Variants in FNDC3B observed in about 807,000 individuals in gnomAD.
FNDC3B encodes fibronectin type III domain containing 3B.
Under a neutral mutation model 151.5 loss-of-function variants are expected in FNDC3B, and 12 were observed. The observed-to-expected ratio is 0.08, with a 90% CI of 0.05 to 0.13. The LOEUF is 0.13. FNDC3B is among the 10% of genes least tolerant of loss of function. FNDC3B has a pLI of 1.00. For missense variants in FNDC3B, 1,214 were observed against 1,505.3 expected, an observed-to-expected ratio of 0.81 and a Z score of 3.20; for synonymous variants, 528 against 549.0, an observed-to-expected ratio of 0.96 and a Z score of 0.54.
rs564694405 is a variant in FNDC3B, at chr3:172,040,892, C to G, written c.-29+1121C>G. Reference sequence around the variant, plus strand: ...TCTCGGGAGACTGGGCTGCGCCGCCCGGCGGCGCCTTTGGCGGGGAGGCTT... The same window carrying G: ...TCTCGGGAGACTGGGCTGCGCCGCCGGGCGGCGCCTTTGGCGGGGAGGCTT... On this transcript the variant is annotated intron_variant, in intron 1 of 25. Transcript: ENST00000415807. The surrounding 1 kb of genome is among the most constrained non-coding windows in gnomAD (Gnocchi z 6.6). Among the ~76,000 whole-genome samples the G allele has an allele frequency of 1.3e-5, 2 of 152,266 alleles. No homozygotes were observed. The highest frequency in any genetic ancestry group is 3.9e-4 in the East Asian group (2 of 5,152).
chr3:172,276,548 A>C (rs1729442353), intron 6 of FNDC3B, among the ~76,000 whole-genome samples: 1 of 152,230 alleles, frequency 6.6e-6, no homozygotes, highest in Non-Finnish European at 1.5e-5. Flanking sequence ...AGAGATCATC[A>C]GTATTTACTA....
At chr3:172,114,576 A>G (rs1262112540) in intron 2 of FNDC3B, among the ~76,000 whole-genome samples, 1 of 152,240 alleles carries the variant, frequency 6.6e-6, no homozygotes, top group South Asian at 2.1e-4. Context: ...CTGCTTAACA[A>G]TTTTGGTTAA....
At chr3:172,227,599 T>C (rs1425206969) in intron 4 of FNDC3B, among the ~76,000 whole-genome samples, 1 of 152,226 alleles carries the variant, frequency 6.6e-6, no homozygotes, top group East Asian at 1.9e-4. Context: ...TGGACATCTG[T>C]ATATACTTTA....
intron 6 of FNDC3B, among the ~76,000 whole-genome samples, chr3:172,281,001 G>A (rs964993665): frequency 6.6e-6 from 1 of 151,674 alleles, no homozygotes; most frequent in African/African-American, 2.4e-5. Flanking sequence ...TGTTTTTAGG[G>A]AAAAGAAAGA....
intron 2 of FNDC3B, among the ~76,000 whole-genome samples, chr3:172,128,709 C>T (rs1439709462): frequency 6.6e-6 from 1 of 152,188 alleles, no homozygotes. Context: ...CGTGGAACTC[C>T]TCTGCAGCTT....
intron 17 of FNDC3B, 55 bp from the exon 18 acceptor site, chr3:172,342,956 G>T: frequency 1.8e-6 from 2 of 1,086,640 alleles, no homozygotes; most frequent in Non-Finnish European, 2.9e-6. Flanking sequence ...ATATGTAGAG[G>T]TCTGATAAAT....
intron 3 of FNDC3B, among the ~76,000 whole-genome samples, chr3:172,154,646 G>C (rs944895912): frequency 5.3e-5 from 8 of 152,114 alleles, no homozygotes; most frequent in Non-Finnish European, 1.2e-4. Context: ...TTTAGTAGTG[G>C]CCCTGGAAAC....
chr3:172,084,672 A>C (rs2108503152), intron 1 of FNDC3B, among the ~76,000 whole-genome samples: 1 of 152,334 alleles, frequency 6.6e-6, no homozygotes, highest in Admixed American at 6.5e-5. Context: ...GGATAACGAA[A>C]CTGAGACATT....
rs1311405057 is a variant in FNDC3B at position 172,042,740 on chromosome 3, G to T, written c.-29+2969G>T. ...GGAATTTTCTTCAGTGTTGGAAATGGTTCTGTCTGTGCTGTCCAGCATAGC... is the reference window on the plus strand; with the variant it reads ...GGAATTTTCTTCAGTGTTGGAAATGTTTCTGTCTGTGCTGTCCAGCATAGC... On this transcript the variant is annotated intron_variant, in intron 1 of 25. Coordinates refer to ENST00000415807, the MANE Select transcript of FNDC3B (RefSeq NM_022763.4). Among the ~76,000 whole-genome samples the T allele has an allele frequency of 2.0e-5, 3 of 152,168 alleles. No homozygotes were observed. In the East Asian group the frequency reaches 5.8e-4, roughly 29 times the overall value.
At chr3:172,156,679 G>A (rs1196345274) in intron 3 of FNDC3B, among the ~76,000 whole-genome samples, 3 of 146,520 alleles carry the variant, frequency 2.0e-5, no homozygotes, top group Non-Finnish European at 3.0e-5. Flanking sequence ...AAAGTGGCTA[G>A]TGCTGAGTTT....
chr3:172,304,618 C>G (rs1731098413), intron 9 of FNDC3B, among the ~76,000 whole-genome samples: 1 of 152,176 alleles, frequency 6.6e-6, no homozygotes, highest in African/African-American at 2.4e-5. Flanking sequence ...CGAGTGAGGC[C>G]AGGTGCAGTG....
chr3:172,335,211 C>T (rs146486411), intron 15 of FNDC3B, 129 bp downstream of exon 15: 31 of 866,356 alleles, frequency 3.6e-5, no homozygotes, highest in African/African-American at 3.3e-4. Flanking sequence ...TTTCTGCATT[C>T]GGAATATATG....
chr3:172,272,910 TG>T (rs2108805796), intron 6 of FNDC3B, among the ~76,000 whole-genome samples: 1 of 152,160 alleles, frequency 6.6e-6, no homozygotes, highest in Admixed American at 6.5e-5. Flanking sequence ...CCACAGCTGG[TG>T]AGCAGATGGA....
intron 18 of FNDC3B, 100 bp from the exon 19 acceptor site, chr3:172,343,986 C>A: frequency 1.9e-6 from 2 of 1,043,906 alleles, no homozygotes; most frequent in South Asian, 1.6e-5. Flanking sequence ...TGAGGCCGGC[C>A]ACCTATGTGA....
At chr3:172,104,618 C>T (rs1719549047) in intron 1 of FNDC3B, among the ~76,000 whole-genome samples, 2 of 152,168 alleles carry the variant, frequency 1.3e-5, no homozygotes, top group African/African-American at 4.8e-5. Context: ...CAGTGTCCCA[C>T]ATCAGGTTCA....
At chr3:172,054,730 G>C (rs1716829034) in intron 1 of FNDC3B, among the ~76,000 whole-genome samples, 1 of 152,108 alleles carries the variant, frequency 6.6e-6, no homozygotes. Flanking sequence ...GGGGTAGGGG[G>C]TGCAGCACCT....
At chr3:172,195,633 T>C (rs533162763) in intron 3 of FNDC3B, among the ~76,000 whole-genome samples, 1 of 152,360 alleles carries the variant, frequency 6.6e-6, no homozygotes, top group Non-Finnish European at 1.5e-5. Flanking sequence ...AAATTACATT[T>C]TGAGAAACTC....
intron 25 of FNDC3B, among the ~76,000 whole-genome samples, chr3:172,382,351 G>C (rs1735494033): frequency 6.6e-6 from 1 of 152,124 alleles, no homozygotes; most frequent in Non-Finnish European, 1.5e-5. Context: ...TAAGGTCCTT[G>C]TAGGTGCTAG....
chr3:172,398,911 C>A lies in FNDC3B; in HGVS notation c.*1436C>A, dbSNP rs986164887. The stretch of plus-strand genomic sequence containing the variant: ...GTCATTGGATTATTTATATGAAGTC[C>A]ATAATGTTCGAGTACCTCAGGGACA... On this transcript the variant is annotated 3_prime_UTR_variant, in exon 26 of 26. Coordinates refer to ENST00000415807, the MANE Select transcript of FNDC3B (RefSeq NM_022763.4). 1 of 152,536 alleles carries A rather than the reference C, an allele frequency of 6.6e-6. No homozygotes were observed. The highest frequency in any genetic ancestry group is 1.5e-5 in the Non-Finnish European group (1 of 68,026). 9.4% of individuals were successfully genotyped at this position (152,536 alleles called of 1,614,324 possible).
Sources: gnomAD v4.1 joint callset for allele counts (sites outside exome capture counted in the v4.1 genomes callset) on GRCh38, gnomAD v4.1.1 for gene constraint, Gnocchi (gnomAD v3.1) non-coding constraint, MANE v1.5 for transcripts, NCBI Gene and HGNC (gene_info 2026-07-23, HGNC 2026-07-21) for gene names.